The following RCL1 variants were observed in gnomAD, a reference collection of about 807,000 sequenced individuals.
The protein encoded by RCL1 is RNA terminal phosphate cyclase like 1.
A neutral mutation model predicts 42.4 loss-of-function variants in RCL1; 24 were observed. The ratio of observed to expected loss-of-function variants is 0.57; its 90% CI spans 0.41 to 0.80. The LOEUF (loss-of-function observed/expected upper bound fraction) is 0.80, where lower values mean the gene tolerates loss of function less well. Ranked by LOEUF, RCL1 falls within the 30% of genes least tolerant of loss-of-function variation. The pLI, the probability that RCL1 is intolerant of heterozygous loss-of-function variation, is 0.00. For synonymous variants in RCL1, 228 were observed against 177.3 expected (o/e 1.29, Z -2.27); for missense variants, 578 against 467.9 (o/e 1.24, Z -2.17).
intron 2 of RCL1, among the ~76,000 whole-genome samples, chr9:4,825,137 C>T (rs989917209): frequency 6.6e-6 from 1 of 151,818 alleles, no homozygotes; most frequent in African/African-American, 2.4e-5. Context: ...TCCACCTCAG[C>T]CTTCCAAAGT....
chr9:4,794,305 G>C (rs1229685005), intron 1 of RCL1, among the ~76,000 whole-genome samples: 1 of 152,216 alleles, frequency 6.6e-6, no homozygotes, highest in African/African-American at 2.4e-5. Context: ...TATTGACGGA[G>C]ATAGGTTAGG....
At chr9:4,853,324 CTTTT>C (rs33973400) in intron 8 of RCL1, among the ~76,000 whole-genome samples, 4 of 135,024 alleles carry the variant, frequency 3.0e-5, no homozygotes, top group African/African-American at 2.8e-5. Context: ...CCACTGTGCT[CTTTT>C]TTTTTTTTTT....
At chr9:4,818,527 G>A (rs1248382007) in intron 1 of RCL1, among the ~76,000 whole-genome samples, 2 of 152,150 alleles carry the variant, frequency 1.3e-5, no homozygotes, top group African/African-American at 4.8e-5. Flanking sequence ...ATGAGGAAAG[G>A]AATGACTCCT....
intron 1 of RCL1, among the ~76,000 whole-genome samples, chr9:4,812,487 C>G (rs1374954606): frequency 6.6e-6 from 1 of 152,092 alleles, no homozygotes; most frequent in Non-Finnish European, 1.5e-5. Flanking sequence ...TGGTCTTAAT[C>G]TCCTGGGCTC....
chr9:4,854,683 A>G (rs1171330730), intron 8 of RCL1, among the ~76,000 whole-genome samples: 1 of 152,122 alleles, frequency 6.6e-6, no homozygotes, highest in African/African-American at 2.4e-5. Flanking sequence ...GTCAGTTGGG[A>G]TTCAACGGAC....
At position 4,818,883 on chromosome 9, in the gene RCL1, A is replaced by G. The variant is rs922986549; in HGVS notation, c.137-4665A>G. Among the ~76,000 whole-genome samples, 4 of 151,976 alleles carry G rather than the reference A, an allele frequency of 2.6e-5. No individual in the cohort carries two copies. The South Asian group carries it at 6.2e-4, about 24-fold the overall frequency. On this transcript the variant is annotated intron_variant, in intron 1 of 8. Coordinates refer to ENST00000381750, the MANE Select transcript of RCL1 (RefSeq NM_005772.5). ...CAAGACTCTGTCTCAAAAAAAAAAAAAAAAAGAAAAAGAAATTGAAATCAC... is the reference window on the plus strand; with the variant it reads ...CAAGACTCTGTCTCAAAAAAAAAAAGAAAAAGAAAAAGAAATTGAAATCAC...
intron 8 of RCL1, among the ~76,000 whole-genome samples, chr9:4,856,083 A>G (rs934648725): frequency 2.6e-5 from 4 of 152,138 alleles, no homozygotes; most frequent in African/African-American, 4.8e-5. Flanking sequence ...GGAGAGACCA[A>G]TCTGTTTTCT....
At chr9:4,857,931 C>CTTTTTTTTTTTTTTTTTTTTTTTTTTTTT (rs34470773) in intron 8 of RCL1, among the ~76,000 whole-genome samples, 3 of 103,034 alleles carry the variant, frequency 2.9e-5, no homozygotes, top group African/African-American at 3.9e-5. Context: ...AGCTCTCCCA[C>CTTTTTTTTTTTTTTTTTTTTTTTTTTTTT]TTTTTTTTTT....
chr9:4,803,770 A>T (rs1238224029), intron 1 of RCL1: 2 of 167,482 alleles, frequency 1.2e-5, no homozygotes, highest in Non-Finnish European at 2.6e-5. Flanking sequence ...GGCGTGGGTC[A>T]TATCCACTGT....
intron 5 of RCL1, chr9:4,839,406 G>T (rs1244244089): frequency 6.6e-6 from 1 of 152,246 alleles, no homozygotes; most frequent in Non-Finnish European, 1.5e-5. Context: ...TCAACACAGG[G>T]TTACTGTGAG....
intron 1 of RCL1, among the ~76,000 whole-genome samples, chr9:4,809,588 G>A (rs139320514): frequency 0.051 from 7,691 of 152,226 alleles, 304 homozygotes; most frequent in African/African-American, 0.11. Context: ...GATTACAGGC[G>A]TGAGCCACTG....
chr9:4,807,023 A>G (rs1270136757), intron 1 of RCL1, among the ~76,000 whole-genome samples: 1 of 152,126 alleles, frequency 6.6e-6, no homozygotes, highest in African/African-American at 2.4e-5. Context: ...TTGAATTAAT[A>G]TGTGTAGAGT....
chr9:4,810,585 C>G (rs1410434489), intron 1 of RCL1, among the ~76,000 whole-genome samples: 1 of 151,936 alleles, frequency 6.6e-6, no homozygotes, highest in Admixed American at 6.6e-5. Flanking sequence ...GAAAATTTGG[C>G]TTGTTTCCAC....
At chr9:4,809,567 C>G (rs897117602) in intron 1 of RCL1, among the ~76,000 whole-genome samples, 2 of 152,222 alleles carry the variant, frequency 1.3e-5, no homozygotes, top group African/African-American at 4.8e-5. Flanking sequence ...CTCGGCCTCC[C>G]AGAGTGCTGG....
intron 1 of RCL1, among the ~76,000 whole-genome samples, chr9:4,822,300 G>C (rs1816620370): frequency 6.6e-6 from 1 of 152,222 alleles, no homozygotes; most frequent in Non-Finnish European, 1.5e-5. Context: ...TTGTCTAAAA[G>C]TGTCAGGCAG....
chr9:4,854,049 G>T (rs1289768826), intron 8 of RCL1, among the ~76,000 whole-genome samples: 1 of 152,130 alleles, frequency 6.6e-6, no homozygotes, highest in East Asian at 1.9e-4. Context: ...TCTTAGTTTT[G>T]TGAAGCGTTT....
intron 8 of RCL1, among the ~76,000 whole-genome samples, chr9:4,853,827 T>C (rs1158327619): frequency 6.6e-6 from 1 of 152,150 alleles, no homozygotes; most frequent in Non-Finnish European, 1.5e-5. Context: ...ATGACCTTTT[T>C]CCATGACTGT....
chr9:4,807,038 A>T (rs937832046), intron 1 of RCL1, among the ~76,000 whole-genome samples: 1 of 152,128 alleles, frequency 6.6e-6, no homozygotes, highest in African/African-American at 2.4e-5. Flanking sequence ...TAGAGTTTAC[A>T]GTGTTTCCTT....
intron 5 of RCL1, among the ~76,000 whole-genome samples, chr9:4,839,351 C>G (rs550042572): frequency 6.6e-6 from 1 of 152,086 alleles, no homozygotes; most frequent in Non-Finnish European, 1.5e-5. Context: ...GTTTTTTTGT[C>G]TTAGTTGTCT....
Sources: gnomAD v4.1 joint callset for allele counts (sites outside exome capture counted in the v4.1 genomes callset) on GRCh38, gnomAD v4.1.1 for gene constraint, MANE v1.5 for transcripts, NCBI Gene and HGNC (gene_info 2026-07-23, HGNC 2026-07-21) for gene names.